Variants in PDE10A observed in about 807,000 individuals in gnomAD.
The protein encoded by PDE10A is cAMP and cAMP-inhibited cGMP 3',5'-cyclic phosphodiesterase 10A.
Under a neutral mutation model 97.7 loss-of-function variants are expected in PDE10A, and 39 were observed. The ratio of observed to expected loss-of-function variants is 0.40; its 90% CI spans 0.31 to 0.52. PDE10A has a LOEUF of 0.52. Among genes scored for constraint, PDE10A ranks in the 20% least tolerant of loss-of-function variants. PDE10A has a pLI of 0.56. For synonymous variants in PDE10A, 371 were observed against 376.8 expected, an observed-to-expected ratio of 0.98 and a Z score of 0.18; for missense variants, 731 against 1,047.8, an observed-to-expected ratio of 0.70 and a Z score of 4.17.
chr6:165,778,281 A>G (rs1778250935), intron 1 of PDE10A, among the ~76,000 whole-genome samples: 1 of 152,142 alleles, frequency 6.6e-6, no homozygotes, highest in African/African-American at 2.4e-5. Context: ...CATGTTAGCC[A>G]GGATGGTCTG....
intron 1 of PDE10A, among the ~76,000 whole-genome samples, chr6:165,630,431 A>G (rs1788577743): frequency 2.0e-5 from 3 of 152,232 alleles, no homozygotes; most frequent in Admixed American, 6.5e-5. Flanking sequence ...CTTCAATATA[A>G]AAGCAGAGAA....
intron 1 of PDE10A, among the ~76,000 whole-genome samples, chr6:165,790,983 C>T (rs1778633307): frequency 6.6e-6 from 1 of 152,040 alleles, no homozygotes; most frequent in African/African-American, 2.4e-5. Flanking sequence ...ATTTTATGCC[C>T]ACTGATCAGT....
chr6:165,609,654 G>A (rs1331726348), intron 1 of PDE10A, among the ~76,000 whole-genome samples: 1 of 152,194 alleles, frequency 6.6e-6, no homozygotes. Flanking sequence ...GGCAACTTCA[G>A]CAAAGTCTCA....
At chr6:165,656,769 T>C (rs1461005160) in intron 1 of PDE10A, among the ~76,000 whole-genome samples, 2 of 152,148 alleles carry the variant, frequency 1.3e-5, no homozygotes, top group Non-Finnish European at 2.9e-5. Flanking sequence ...TGTGAAACCT[T>C]TCCAGGACCT....
intron 15 of PDE10A, among the ~76,000 whole-genome samples, chr6:165,394,975 A>G (rs1316595088): frequency 6.6e-6 from 1 of 152,200 alleles, no homozygotes; most frequent in African/African-American, 2.4e-5. Flanking sequence ...ATGTTGCTAG[A>G]GCCCCTACAG....
chr6:165,942,349 A>G (rs300110), intron 1 of PDE10A, among the ~76,000 whole-genome samples: 40,694 of 151,778 alleles, frequency 0.27, 6,113 homozygotes, highest in East Asian at 0.39. Context: ...TTCACAAAAT[A>G]AAGACTCCCT....
intron 1 of PDE10A, among the ~76,000 whole-genome samples, chr6:165,756,457 G>T (rs182354483): frequency 3.3e-5 from 5 of 152,222 alleles, no homozygotes; most frequent in Admixed American, 3.3e-4. Context: ...GATCCTTCCA[G>T]ATTTTTATGA....
chr6:165,337,306 A>G (rs1039141874), intron 20 of PDE10A, among the ~76,000 whole-genome samples: 1 of 152,202 alleles, frequency 6.6e-6, no homozygotes, highest in Non-Finnish European at 1.5e-5. Flanking sequence ...TGTACGAGAC[A>G]AATAGCTCTC....
chr6:165,431,441 A>G lies in PDE10A; in HGVS notation c.1523T>C (p.Val508Ala), dbSNP rs1393621963. 3 of 1,600,250 alleles carry G rather than the reference A, an allele frequency of 1.9e-6. No individual in the cohort carries two copies. Among genetic ancestry groups the G allele is most frequent in the Non-Finnish European group, 2.6e-6 (3 of 1,172,036 alleles). The part of the protein sequence containing the change: ...VATANLAWAS[V>A]AIHQVQVCRG... ...ACTCACCTGCACCTGATGTATTGCT[A>G]CTGAAGCCCAGGCAAGATTTGCTGT... Residue 508 changes from valine (V) to alanine (A), a missense_variant, in exon 8 of 22, where the codon GTA becomes GCA. By Grantham distance (64) the Val-to-Ala change is moderately conservative (BLOSUM62 0). Around this residue, in one of 8 missense-constraint regions of PDE10A, gnomAD observed 152 missense variants for 199.3 expected, o/e 0.76. Coordinates refer to ENST00000539869, the MANE Select transcript of PDE10A (RefSeq NM_001385079.1).
intron 3 of PDE10A, among the ~76,000 whole-genome samples, chr6:165,476,167 A>G (rs1173334880): frequency 6.7e-6 from 1 of 148,170 alleles, no homozygotes; most frequent in Non-Finnish European, 1.5e-5. Context: ...CAAAAAGAAG[A>G]AAAAAAAAAA....
intron 18 of PDE10A, among the ~76,000 whole-genome samples, chr6:165,371,615 C>A (rs935613289): frequency 3.3e-5 from 5 of 152,154 alleles, no homozygotes; most frequent in Non-Finnish European, 7.4e-5. Flanking sequence ...GAGTCCAGGA[C>A]CAGATGGATT....
chr6:165,715,257 G>A (rs190814337), intron 1 of PDE10A, among the ~76,000 whole-genome samples: 38 of 152,310 alleles, frequency 2.5e-4, no homozygotes, highest in Middle Eastern at 3.4e-3. Flanking sequence ...ACAGGTCTGG[G>A]ATAAACAATC....
chr6:165,641,964 G>A (rs899432239), intron 1 of PDE10A, among the ~76,000 whole-genome samples: 5 of 152,222 alleles, frequency 3.3e-5, no homozygotes, highest in Non-Finnish European at 5.9e-5. Flanking sequence ...CAGAGGCGTG[G>A]CTGGTAGGAA....
chr6:165,904,288 T>C (rs1167985543), intron 1 of PDE10A, among the ~76,000 whole-genome samples: 1 of 152,096 alleles, frequency 6.6e-6, no homozygotes, highest in East Asian at 1.9e-4. Context: ...GGTGAGGCCA[T>C]TGCATCTGCC....
In PDE10A at chr6:165,906,009, T is replaced by TCCC. The variant is rs1782257797; in HGVS notation, c.-615+81519_-615+81520insGGG. Among the ~76,000 whole-genome samples, 20 of 31,692 alleles carry TCCC rather than the reference T, an allele frequency of 6.3e-4. 1 individual carries two copies. The highest frequency in any genetic ancestry group is 2.0e-3 in the African/African-American group (18 of 8,888). 20.8% of individuals were successfully genotyped at this position (31,692 alleles called of 152,430 possible). ...CTTCCTTCCTTCCTTCCTTCCTTCC[T>TCCC]TCCTTCCCTCCCTCCCTTCCTTCCT... On this transcript the variant is annotated intron_variant, in intron 1 of 19. Transcript: ENST00000366882.
chr6:165,706,351 A>G (rs1318969948), intron 1 of PDE10A, among the ~76,000 whole-genome samples: 1 of 152,184 alleles, frequency 6.6e-6, no homozygotes, highest in East Asian at 1.9e-4. Flanking sequence ...ATATCTCAGT[A>G]TCAGGACACA....
At chr6:165,509,239 T>A (rs1781374986) in intron 2 of PDE10A, among the ~76,000 whole-genome samples, 1 of 152,008 alleles carries the variant, frequency 6.6e-6, no homozygotes, top group African/African-American at 2.4e-5. Flanking sequence ...GTACTTATCA[T>A]TTCTATGTGT....
chr6:165,428,753 C>T, intron 9 of PDE10A, 44 bp from the exon 10 acceptor site: 1 of 754,832 alleles, frequency 1.3e-6, no homozygotes, highest in Non-Finnish European at 2.3e-6. Flanking sequence ...TTCATTAGTT[C>T]ACAGTACATA....
rs1309524535 is a variant in PDE10A at position 165,574,086 on chromosome 6, G to A, written c.866-30518C>T. Among the ~76,000 whole-genome samples the A allele has an allele frequency of 3.9e-5, 6 of 152,158 alleles. No individual in the cohort carries two copies. The South Asian group carries it at 1.2e-3, about 32-fold the overall frequency. ...TAGCAACTTATTAACAAAACAAACTGTTCAACATATGGCATTAATAATAAT... is the reference window on the plus strand; with the variant it reads ...TAGCAACTTATTAACAAAACAAACTATTCAACATATGGCATTAATAATAAT... On this transcript the variant is annotated intron_variant, in intron 1 of 21. Coordinates refer to ENST00000539869, the MANE Select transcript of PDE10A (RefSeq NM_001385079.1).
Sources: allele counts gnomAD v4.1 joint callset (sites outside exome capture counted in the v4.1 genomes callset), GRCh38; gene constraint gnomAD v4.1.1; regional missense constraint gnomAD v4.1.1; transcripts MANE v1.5; gene names NCBI Gene and HGNC (gene_info 2026-07-23, HGNC 2026-07-21).